Variants in POU6F2 observed in about 807,000 individuals in gnomAD.
POU6F2 encodes the protein POU domain, class 6, transcription factor 2.
In POU6F2, 31 loss-of-function variants were observed where a neutral mutation model predicts 71.3. The observed-to-expected ratio is 0.43, with a 90% CI of 0.33 to 0.59. The LOEUF (loss-of-function observed/expected upper bound fraction) is 0.59. POU6F2 is among the 20% of genes least tolerant of loss of function. POU6F2 has a pLI of 0.04. For synonymous variants in POU6F2, 347 were observed against 355.7 expected, an observed-to-expected ratio of 0.98 and a Z score of 0.27; for missense variants, 783 against 856.8, an observed-to-expected ratio of 0.91 and a Z score of 1.07.
At chr7:39,318,959 A>AG (rs1464010592) in intron 4 of POU6F2, among the ~76,000 whole-genome samples, 1 of 152,112 alleles carries the variant, frequency 6.6e-6, no homozygotes, top group East Asian at 1.9e-4. Flanking sequence ...CCTGGGCAAC[A>AG]TAGTGAGACT....
chr7:39,249,949 A>G (rs901836505), intron 4 of POU6F2, among the ~76,000 whole-genome samples: 3 of 152,190 alleles, frequency 2.0e-5, no homozygotes. Context: ...CAGATGACAC[A>G]TGATGTGAAC....
chr7:39,284,140 T>C (rs1784612193), intron 4 of POU6F2, among the ~76,000 whole-genome samples: 1 of 152,234 alleles, frequency 6.6e-6, no homozygotes, highest in Non-Finnish European at 1.5e-5. Flanking sequence ...GGTAGTAAGA[T>C]AAATTTTTCT....
At chr7:39,095,255 G>A (rs1466268524) in intron 2 of POU6F2, among the ~76,000 whole-genome samples, 1 of 152,114 alleles carries the variant, frequency 6.6e-6, no homozygotes. Context: ...CCAAGAAATT[G>A]CTCCAATTTT....
At chr7:39,303,818 T>A (rs1412560754) in intron 4 of POU6F2, among the ~76,000 whole-genome samples, 1 of 152,242 alleles carries the variant, frequency 6.6e-6, no homozygotes, top group Non-Finnish European at 1.5e-5. Context: ...TCTTATTAAT[T>A]CTTCTCAGAG....
At chr7:39,356,530 T>C (rs1188090231) in intron 5 of POU6F2, among the ~76,000 whole-genome samples, 1 of 152,218 alleles carries the variant, frequency 6.6e-6, no homozygotes, top group African/African-American at 2.4e-5. Flanking sequence ...TTATGAACAA[T>C]TTATTATCTC....
chr7:39,192,943 G>A (rs1236746121), intron 2 of POU6F2, among the ~76,000 whole-genome samples: 1 of 152,176 alleles, frequency 6.6e-6, no homozygotes, highest in African/African-American at 2.4e-5. Context: ...AGAGAGGAAG[G>A]ACAAGGAGAA....
chr7:39,239,897 G>A (rs1167807218), intron 4 of POU6F2, among the ~76,000 whole-genome samples: 1 of 152,098 alleles, frequency 6.6e-6, no homozygotes, highest in Non-Finnish European at 1.5e-5. Flanking sequence ...GCTTCATAAA[G>A]GGGGCAAAGT....
intron 1 of POU6F2, among the ~76,000 whole-genome samples, chr7:38,995,436 C>T (rs1562659189): frequency 6.6e-6 from 1 of 151,762 alleles, no homozygotes; most frequent in African/African-American, 2.4e-5. Flanking sequence ...CAAATCTGCA[C>T]GTTGTGCACA....
At chr7:38,999,504 T>C (rs770883942) in intron 1 of POU6F2, among the ~76,000 whole-genome samples, 1 of 152,136 alleles carries the variant, frequency 6.6e-6, no homozygotes, top group Non-Finnish European at 1.5e-5. Flanking sequence ...GGTGTCAACT[T>C]TCATGTCATA....
At chr7:39,197,752 C>T (rs751648056) in intron 2 of POU6F2, among the ~76,000 whole-genome samples, 11 of 152,210 alleles carry the variant, frequency 7.2e-5, no homozygotes, top group Non-Finnish European at 1.5e-4. Flanking sequence ...GCTCTAAAAT[C>T]TGTGTCTGAC....
At chr7:39,081,823 C>T (rs1423243836) in intron 1 of POU6F2, among the ~76,000 whole-genome samples, 1 of 152,196 alleles carries the variant, frequency 6.6e-6, no homozygotes, top group Non-Finnish European at 1.5e-5. Context: ...CTGGGATACC[C>T]CATGAATTAC....
At chr7:39,111,989 C>G (rs917468601) in intron 2 of POU6F2, among the ~76,000 whole-genome samples, 2 of 151,956 alleles carry the variant, frequency 1.3e-5, no homozygotes, top group Non-Finnish European at 2.9e-5. Context: ...TAAAATCGTT[C>G]AAAATTAAAT....
intron 6 of POU6F2, among the ~76,000 whole-genome samples, chr7:39,423,705 A>C (rs1022574067): frequency 2.0e-5 from 3 of 152,212 alleles, no homozygotes; most frequent in Non-Finnish European, 4.4e-5. Context: ...TAAGCAATAC[A>C]TTTCCCAGGA....
intron 2 of POU6F2, among the ~76,000 whole-genome samples, chr7:39,128,170 A>G (rs1792182450): frequency 6.6e-6 from 1 of 152,140 alleles, no homozygotes; most frequent in African/African-American, 2.4e-5. Context: ...CTAATATGTG[A>G]CAAGATCTGG....
intron 2 of POU6F2, among the ~76,000 whole-genome samples, chr7:39,110,118 A>G (rs1195211897): frequency 6.6e-6 from 1 of 152,016 alleles, no homozygotes; most frequent in Non-Finnish European, 1.5e-5. Flanking sequence ...TAAAAATACA[A>G]AAATTAGCTG....
chr7:39,329,244 G>A (rs1785584957), intron 4 of POU6F2: 1 of 147,746 alleles, frequency 6.8e-6, no homozygotes, highest in African/African-American at 2.5e-5. Context: ...ATATATAATT[G>A]TATAATATAT....
rs780366816 is a variant in POU6F2, at chr7:39,464,641, A to T, written c.2118A>T (p.Ala706=). 17 of 1,608,736 alleles carry T rather than the reference A, an allele frequency of 1.1e-5. No individual in the cohort carries two copies. Among genetic ancestry groups the T allele is most frequent in the Non-Finnish European group, 1.4e-5 (17 of 1,177,660 alleles). The part of the protein sequence containing the change: ...KRLKQHEPAT[A]VPLEPLTDSL... Reference sequence around the variant, plus strand: ...TAAAACAGCACGAGCCGGCCACGGCAGTCCCTTTGGAGCCCTTAACAGACT... The same window carrying T: ...TAAAACAGCACGAGCCGGCCACGGCTGTCCCTTTGGAGCCCTTAACAGACT... Residue 706 remains alanine (A), a synonymous_variant, in exon 10 of 10, where the codon GCA becomes GCT. Transcript: ENST00000518318. The surrounding 1 kb of genome is among the most constrained non-coding windows in gnomAD (Gnocchi z 4.1).
In POU6F2 at chr7:39,063,542, G is replaced by A. The variant is rs901874451; in HGVS notation, c.106-22318G>A. On this transcript the variant is annotated intron_variant, in intron 1 of 9. Transcript: ENST00000518318. ...CACAGGAGCTTAAACGGATGAGAGA[G>A]ACAATGGATATGAAGGACAGAGAAT... 2.6e-5 allele frequency among the ~76,000 whole-genome samples: 4 copies of A among 152,262 alleles called. No individual in the cohort carries two copies. The East Asian group carries it at 5.8e-4, about 22-fold the overall frequency.
chr7:39,310,329 T>C (rs1199419046), intron 4 of POU6F2, among the ~76,000 whole-genome samples: 2 of 152,262 alleles, frequency 1.3e-5, no homozygotes, highest in Non-Finnish European at 2.9e-5. Flanking sequence ...ATAACAGCTT[T>C]ATGTATAAGG....
Sources: gnomAD v4.1 joint callset for allele counts (sites outside exome capture counted in the v4.1 genomes callset) on GRCh38, gnomAD v4.1.1 for gene constraint, Gnocchi (gnomAD v3.1) non-coding constraint, MANE v1.5 for transcripts, NCBI Gene and HGNC (gene_info 2026-07-23, HGNC 2026-07-21) for gene names.